Variants in DEAF1 observed in about 807,000 individuals in gnomAD.
DEAF1 encodes deformed epidermal autoregulatory factor 1 homolog.
A neutral mutation model predicts 58.9 loss-of-function variants in DEAF1; 53 were observed. The ratio of observed to expected loss-of-function variants is 0.90; its 90% CI spans 0.72 to 1.13. The LOEUF is 1.13. DEAF1 is among the 50% of genes most tolerant of loss of function. The pLI is 0.00. For missense variants in DEAF1, 685 were observed against 791.4 expected (o/e 0.87, Z 1.61); for synonymous variants, 385 against 340.4 (o/e 1.13, Z -1.44).
intron 6 of DEAF1, 73 bp from the exon 7 acceptor site, chr11:681,162 AGTG>A (rs1860346352): frequency 1.9e-6 from 3 of 1,606,312 alleles, no homozygotes; most frequent in Admixed American, 3.3e-5. Context: ...CTCCTCCTTA[AGTG>A]GGGGCACCGC....
At chr11:696,183 C>G (rs967222990), upstream of DEAF1, among the ~76,000 whole-genome samples, 1 of 152,136 alleles carries the variant, frequency 6.6e-6, no homozygotes, top group Non-Finnish European at 1.5e-5. Context: ...TTTCGGTAGC[C>G]TTGGAACTCT....
At position 688,104 on chromosome 11, in the gene DEAF1, G is replaced by A; in HGVS notation, c.518-47C>T. 6.2e-7 allele frequency: 1 copy of A among 1,611,826 alleles called. No homozygotes were observed. The highest frequency in any genetic ancestry group is 8.5e-7 in the Non-Finnish European group (1 of 1,178,862). On this transcript the variant is annotated intron_variant, in intron 3 of 11. Transcript: ENST00000382409. The surrounding 1 kb of genome is among the most constrained non-coding windows in gnomAD (Gnocchi z 4.3). ...AAGGTGAGAGGCCGGACACCGGGAA[G>A]CATAGTACACTCTCATCTCAGACAC...
intron 10 of DEAF1, among the ~76,000 whole-genome samples, chr11:668,166 G>A (rs1041539205): frequency 3.3e-5 from 5 of 151,968 alleles, no homozygotes; most frequent in Admixed American, 6.6e-5. Context: ...ACTCAAAAAC[G>A]TCCCTCAAAA....
At chr11:654,164 CCTTTTTT>C in intron 10 of DEAF1, 113 bp from the exon 11 acceptor site, 14 of 523,426 alleles carry the variant, frequency 2.7e-5, no homozygotes, top group South Asian at 1.0e-4. Flanking sequence ...CATTGGACCC[CCTTTTTT>C]TTTTTTTTTT....
intron 10 of DEAF1, among the ~76,000 whole-genome samples, chr11:655,990 CCTGG>C (rs964065326): frequency 1.3e-5 from 2 of 150,400 alleles, no homozygotes; most frequent in Non-Finnish European, 1.5e-5. Flanking sequence ...GACCACCACG[CCTGG>C]CTAATTTTTT....
At chr11:700,149 C>A (rs1420536440), upstream of DEAF1, 2 of 1,614,100 alleles carry the variant, frequency 1.2e-6, no homozygotes, top group South Asian at 2.2e-5. Context: ...CAGCTCTCTT[C>A]AGTTCCCCTT....
rs1196370483 is a variant in DEAF1 at position 654,035 on chromosome 11, C to T, written c.1520G>A (p.Cys507Tyr). 2.5e-6 allele frequency: 4 copies of T among 1,613,582 alleles called. No homozygotes were observed. The highest frequency in any genetic ancestry group is 3.4e-6 in the Non-Finnish European group (4 of 1,179,958). ...AERKEQSCVN[C>Y]GREAMSECTG... ...GCACTCGCTCATAGCCTCCCGGCCG[C>T]AGTTAACGCAGGACTGCTGCAAGAA... Residue 507 changes from cysteine to tyrosine, a missense_variant, in exon 11 of 12, where the codon TGC (cysteine) becomes TAC (tyrosine). Around this residue, in one of 3 missense-constraint regions of DEAF1, gnomAD observed 343 missense variants for 379.8 expected, o/e 0.90. Transcript: ENST00000382409.
At chr11:704,426 T>G (rs1357060361) in intron 1 of DEAF1, 2 of 1,287,070 alleles carry the variant, frequency 1.6e-6, no homozygotes, top group Non-Finnish European at 2.0e-6. Context: ...TCCTTTGACC[T>G]GTCTGTGGCC....
chr11:654,230 G>A (rs11601653), intron 10 of DEAF1, among the ~76,000 whole-genome samples, 179 bp from the exon 11 acceptor site: 12,664 of 145,606 alleles, frequency 0.087, 710 homozygotes, highest in Admixed American at 0.19. Context: ...GTGCCGTGGT[G>A]CGATCTCAGC....
At chr11:654,137 A>C in intron 10 of DEAF1, 86 bp from the exon 11 acceptor site, 1 of 930,828 alleles carries the variant, frequency 1.1e-6, no homozygotes, top group Non-Finnish European at 1.7e-6. Flanking sequence ...TGCAGGCAGG[A>C]GGCCCCAAGT....
At chr11:690,305 GGAGGA>G (rs1338886674) in intron 2 of DEAF1, among the ~76,000 whole-genome samples, 53 of 10,422 alleles carry the variant, frequency 5.1e-3, no homozygotes, top group Non-Finnish European at 7.4e-3. Flanking sequence ...GGAGGGGAGG[GGAGGA>G]GAGGGCAGGG....
upstream of DEAF1, chr11:699,000 C>T: frequency 1.5e-6 from 2 of 1,293,534 alleles, no homozygotes; most frequent in Non-Finnish European, 2.2e-6. Flanking sequence ...AGTAATTCCA[C>T]TTTGGAGAGG....
At position 701,631 on chromosome 11, in the gene DEAF1, C is replaced by G. The variant is rs542069638; in HGVS notation, c.-438+4941G>C. 3.8e-4 allele frequency among the ~76,000 whole-genome samples: 57 copies of G among 151,942 alleles called. 1 individual carries two copies. Among genetic ancestry groups the G allele is most frequent in the South Asian group, 2.1e-4 (1 of 4,808 alleles). On this transcript the variant is annotated intron_variant, in intron 1 of 11. Coordinates refer to the DEAF1 transcript ENST00000683307. ...TCACCATGTTAGCCAGGATGGTTTC[C>G]ATCTCCTGACCTCCTGATCCGCCCA...
chr11:704,021 A>C, intron 1 of DEAF1: 2 of 1,194,060 alleles, frequency 1.7e-6, no homozygotes, highest in Non-Finnish European at 2.1e-6. Context: ...CTTTCCCTTC[A>C]CTTGATTCTA....
At chr11:669,413 G>A (rs912618726) in intron 10 of DEAF1, among the ~76,000 whole-genome samples, 4 of 152,164 alleles carry the variant, frequency 2.6e-5, no homozygotes, top group Non-Finnish European at 5.9e-5. Context: ...GAGGTGGGCA[G>A]ATCACCTGAG....
intron 1 of DEAF1, chr11:700,706 G>A: frequency 6.2e-7 from 1 of 1,613,616 alleles, no homozygotes; most frequent in Non-Finnish European, 8.5e-7. Context: ...GGTTATACCT[G>A]GGTGAGTGGA....
At chr11:668,819 A>G (rs1349269735) in intron 10 of DEAF1, among the ~76,000 whole-genome samples, 1 of 151,462 alleles carries the variant, frequency 6.6e-6, no homozygotes, top group East Asian at 1.9e-4. Flanking sequence ...GAAACCCTTT[A>G]AAAAAAAAGT....
chr11:692,910 C>T (rs1860895608), intron 1 of DEAF1, among the ~76,000 whole-genome samples: 1 of 152,048 alleles, frequency 6.6e-6, no homozygotes, highest in Admixed American at 6.6e-5. Context: ...ACACCAGGTG[C>T]ACGGTTCCCT....
chr11:687,099 C>A, intron 4 of DEAF1, 102 bp from the exon 5 acceptor site: 1 of 1,547,942 alleles, frequency 6.5e-7, no homozygotes, highest in Non-Finnish European at 8.8e-7. Flanking sequence ...AGCACCAGCG[C>A]CCCAGCGGCT....
Sources: gnomAD v4.1 joint callset for allele counts (sites outside exome capture counted in the v4.1 genomes callset) on GRCh38, gnomAD v4.1.1 for gene constraint, gnomAD v4.1.1 regional missense constraint, Gnocchi (gnomAD v3.1) non-coding constraint, MANE v1.5 for transcripts, NCBI Gene and HGNC (gene_info 2026-07-23, HGNC 2026-07-21) for gene names.